The following GFRA2 variants were observed in gnomAD, a reference collection of about 807,000 sequenced individuals.
The protein encoded by GFRA2 is GDNF family receptor alpha 2.
Under a neutral mutation model 48.3 loss-of-function variants are expected in GFRA2, and 17 were observed. The ratio of observed to expected loss-of-function variants is 0.35; its 90% CI spans 0.24 to 0.53. The LOEUF (loss-of-function observed/expected upper bound fraction) is 0.53. GFRA2 is among the 20% of genes least tolerant of loss of function. The pLI is 0.93. For missense variants in GFRA2, 660 were observed against 637.3 expected, an observed-to-expected ratio of 1.04 and a Z score of -0.38; for synonymous variants, 305 against 257.2, an observed-to-expected ratio of 1.19 and a Z score of -1.78.
At chr8:21,811,900 T>C (rs1279534940) in intron 1 of GFRA2, among the ~76,000 whole-genome samples, 1 of 152,246 alleles carries the variant, frequency 6.6e-6, no homozygotes, top group Non-Finnish European at 1.5e-5. Context: ...TACATAACTA[T>C]GCTACATCAG....
chr8:21,801,544 C>T (rs1229261682), intron 2 of GFRA2, among the ~76,000 whole-genome samples: 1 of 138,676 alleles, frequency 7.2e-6, no homozygotes, highest in Non-Finnish European at 1.6e-5. Context: ...CCCCACCCAC[C>T]CCACCCACCC....
chr8:21,732,326 A>C (rs1296039775), intron 4 of GFRA2, among the ~76,000 whole-genome samples: 2 of 152,260 alleles, frequency 1.3e-5, no homozygotes, highest in Non-Finnish European at 2.9e-5. Flanking sequence ...TCAAGAGCTG[A>C]AGATGCCCAG....
chr8:21,705,880 G>A (rs1039849202), intron 5 of GFRA2, 52 bp downstream of exon 5: 7 of 1,264,544 alleles, frequency 5.5e-6, no homozygotes, highest in Non-Finnish European at 6.8e-6. Context: ...CTGCCCTGCT[G>A]AGATGGGGGC....
chr8:21,758,604 T>C (rs1249190651), intron 3 of GFRA2, among the ~76,000 whole-genome samples: 1 of 152,012 alleles, frequency 6.6e-6, no homozygotes, highest in African/African-American at 2.4e-5. Context: ...TGTCTCTGCT[T>C]CTCCAAGCTG....
chr8:21,794,052 A>G (rs1371772483), intron 2 of GFRA2, among the ~76,000 whole-genome samples: 2 of 151,616 alleles, frequency 1.3e-5, no homozygotes, highest in African/African-American at 2.4e-5. Flanking sequence ...TGAGGTCTCC[A>G]TATGTTACCC....
chr8:21,732,503 C>T (rs1804246003), intron 4 of GFRA2, among the ~76,000 whole-genome samples: 1 of 152,204 alleles, frequency 6.6e-6, no homozygotes, highest in Non-Finnish European at 1.5e-5. Flanking sequence ...TTGGAGTTTA[C>T]AGCCACGGGG....
chr8:21,720,976 G>A (rs1803564322), intron 4 of GFRA2, among the ~76,000 whole-genome samples: 1 of 151,068 alleles, frequency 6.6e-6, no homozygotes, highest in South Asian at 2.1e-4. Context: ...CCGGATGGAG[G>A]GAGGAAGAGA....
chr8:21,694,077 T>TATATATATATATATA (rs1338101835), intron 8 of GFRA2, among the ~76,000 whole-genome samples: 1,852 of 109,182 alleles, frequency 0.017, 207 homozygotes, highest in Non-Finnish European at 0.027. Context: ...TTATTTATTT[T>TATATATATATATATA]TATATATATA....
At chr8:21,738,529 A>G (rs1283871714) in intron 4 of GFRA2, among the ~76,000 whole-genome samples, 1 of 151,922 alleles carries the variant, frequency 6.6e-6, no homozygotes, top group Non-Finnish European at 1.5e-5. Context: ...AATCATGTCT[A>G]TCTCTTGCTT....
intron 4 of GFRA2, among the ~76,000 whole-genome samples, chr8:21,726,114 C>T (rs1324329358): frequency 6.6e-6 from 1 of 152,200 alleles, no homozygotes; most frequent in Non-Finnish European, 1.5e-5. Context: ...CCAAGAACAC[C>T]ACAGTCATCC....
At chr8:21,775,272 A>G (rs751293102) in intron 2 of GFRA2, among the ~76,000 whole-genome samples, 5 of 152,148 alleles carry the variant, frequency 3.3e-5, no homozygotes, top group Admixed American at 1.3e-4. Flanking sequence ...TGTCTCCCCA[A>G]CTAGAGGAGA....
intron 2 of GFRA2, among the ~76,000 whole-genome samples, chr8:21,781,847 G>T (rs1328053842): frequency 6.6e-6 from 1 of 152,176 alleles, no homozygotes; most frequent in African/African-American, 2.4e-5. Context: ...GAGGGGGAGG[G>T]GATGTGAAGG....
At chr8:21,755,984 G>A (rs925120214) in intron 3 of GFRA2, among the ~76,000 whole-genome samples, 11 of 152,208 alleles carry the variant, frequency 7.2e-5, no homozygotes, top group African/African-American at 9.6e-5. Context: ...CAGGCCAGCC[G>A]TAGGACGCAC....
At chr8:21,805,830 A>C (rs1190317014) in intron 1 of GFRA2, among the ~76,000 whole-genome samples, 1 of 152,192 alleles carries the variant, frequency 6.6e-6, no homozygotes, top group Non-Finnish European at 1.5e-5. Flanking sequence ...ATTACTTGTT[A>C]ATTGCTAACT....
At chr8:21,708,223 C>A (rs1349002971) in intron 4 of GFRA2, among the ~76,000 whole-genome samples, 1 of 152,244 alleles carries the variant, frequency 6.6e-6, no homozygotes, top group African/African-American at 2.4e-5. Context: ...TCCCTGCCTT[C>A]TCTTCTGCCC....
rs1200695036 is a variant in GFRA2, at chr8:21,696,081, CCT to C, written c.1219-1566_1219-1565del. On this transcript the variant is annotated intron_variant, in intron 7 of 8. Coordinates refer to ENST00000524240, the MANE Select transcript of GFRA2 (RefSeq NM_001495.5). The stretch of plus-strand genomic sequence containing the variant: ...TCCCCATCTCCTGTGTCCCCTCCCC[CCT>C]CTCTCCCCTCCCCCTCCTCTGTCCC... 4.5e-3 allele frequency among the ~76,000 whole-genome samples: 568 copies of C among 126,820 alleles called. 7 individuals carry two copies. The highest frequency in any genetic ancestry group is 0.016 in the African/African-American group (540 of 32,762). 83.2% of individuals were successfully genotyped at this position (126,820 alleles called of 152,430 possible).
intron 1 of GFRA2, among the ~76,000 whole-genome samples, chr8:21,810,008 C>A (rs1248339169): frequency 2.0e-5 from 3 of 152,198 alleles, no homozygotes; most frequent in Non-Finnish European, 2.9e-5. Flanking sequence ...ATATTTTACC[C>A]TCCTAGATCA....
chr8:21,784,995 A>G lies in GFRA2; in HGVS notation c.41-2096T>C, dbSNP rs375862610. 2.2e-3 allele frequency among the ~76,000 whole-genome samples: 327 copies of G among 152,018 alleles called. 9 individuals carry two copies. The East Asian group carries it at 0.052, about 24-fold the overall frequency. On this transcript the variant is annotated intron_variant, in intron 1 of 8. Transcript: ENST00000524240. ...CCGTGGGAGCCTCTGGAAGAATATA[A>G]CCCTGGGCCCTCCACTGACTTAACC... is the stretch of plus-strand genomic sequence containing the variant.
intron 3 of GFRA2, among the ~76,000 whole-genome samples, chr8:21,760,751 C>T (rs7825346): frequency 0.56 from 85,747 of 151,976 alleles, 27,084 homozygotes; most frequent in African/African-American, 0.87. Context: ...TGAGGCGCCA[C>T]AGGTTGGGGA....
Sources: allele counts gnomAD v4.1 joint callset (sites outside exome capture counted in the v4.1 genomes callset), GRCh38; gene constraint gnomAD v4.1.1; transcripts MANE v1.5; gene names NCBI Gene and HGNC (gene_info 2026-07-23, HGNC 2026-07-21).